Variants in ANO1 observed in about 807,000 individuals in gnomAD.
ANO1 encodes anoctamin-1.
A neutral mutation model predicts 124.0 loss-of-function variants in ANO1; 59 were observed. The observed-to-expected ratio is 0.48, with a 90% CI of 0.39 to 0.59. The LOEUF (loss-of-function observed/expected upper bound fraction) is 0.59, where lower values mean the gene tolerates loss of function less well. ANO1 is among the 20% of genes least tolerant of loss of function. ANO1 has a pLI of 0.00. For missense variants in ANO1, 1,059 were observed against 1,328.0 expected (o/e 0.80, Z 3.15); for synonymous variants, 529 against 532.0 (o/e 0.99, Z 0.08).
chr11:70,005,448 C>T (rs1006128472), intron 1 of ANO1, among the ~76,000 whole-genome samples: 3 of 152,190 alleles, frequency 2.0e-5, no homozygotes, highest in Non-Finnish European at 2.9e-5. Context: ...TGTTGGCACA[C>T]TGTCCTGAAT....
intron 22 of ANO1, among the ~76,000 whole-genome samples, chr11:70,172,941 G>A (rs6592468): frequency 0.76 from 115,887 of 151,984 alleles, 44,271 homozygotes; most frequent in East Asian, 0.84. Context: ...TGTCATTCTC[G>A]TTGGAAACAC....
In ANO1 at chr11:70,018,878, A is replaced by C. The variant is rs115371157; in HGVS notation, c.58+32712A>C. 8.3e-3 allele frequency among the ~76,000 whole-genome samples: 1,265 copies of C among 152,292 alleles called. 17 individuals carry two copies. Among genetic ancestry groups the C allele is most frequent in the African/African-American group, 0.029 (1,212 of 41,556 alleles). On this transcript the variant is annotated intron_variant, in intron 1 of 27. Coordinates refer to the ANO1 transcript ENST00000531349. ...AGGACCTGCTAAGTGCTGGGCATGG[A>C]GCTCAGTACCGGGGACATGGCCAAA...
chr11:69,984,388 GATCA>G (rs1554996614), upstream of ANO1, among the ~76,000 whole-genome samples: 3 of 3,812 alleles, frequency 7.9e-4, no homozygotes, highest in Non-Finnish European at 3.9e-3. Context: ...ACTGAAACGA[GATCA>G]TTTCTGAGTC....
intron 2 of ANO1, among the ~76,000 whole-genome samples, chr11:70,092,172 G>A (rs888310857): frequency 6.6e-6 from 1 of 152,142 alleles, no homozygotes; most frequent in African/African-American, 2.4e-5. Flanking sequence ...CCTCTCTGTT[G>A]TGTGTCTCTG....
intron 22 of ANO1, among the ~76,000 whole-genome samples, chr11:70,179,497 G>A (rs1365965324): frequency 6.6e-6 from 1 of 152,180 alleles, no homozygotes; most frequent in Non-Finnish European, 1.5e-5. Flanking sequence ...TTGGAGTAAA[G>A]GGAACAAGGG....
the ANO1 span, among the ~76,000 whole-genome samples, chr11:69,978,819 A>G: frequency 6.6e-6 from 1 of 152,212 alleles, no homozygotes; most frequent in Non-Finnish European, 1.5e-5. Flanking sequence ...AGTGTGTTCA[A>G]TTACAGAAAG....
At chr11:70,161,877 C>A in intron 18 of ANO1, 144 bp downstream of exon 18, 1 of 756,870 alleles carries the variant, frequency 1.3e-6, no homozygotes, top group Non-Finnish European at 2.2e-6. Flanking sequence ...AGGGAGAAGG[C>A]CTGGGCCCTG....
intron 1 of ANO1, among the ~76,000 whole-genome samples, chr11:70,020,014 C>T (rs370409971): frequency 6.6e-6 from 1 of 152,182 alleles, no homozygotes; most frequent in South Asian, 2.1e-4. Flanking sequence ...CTAGGCTTCC[C>T]CCGGACCCTC....
At chr11:70,048,271 T>C (rs370641736) in intron 1 of ANO1, among the ~76,000 whole-genome samples, 2 of 152,350 alleles carry the variant, frequency 1.3e-5, no homozygotes, top group East Asian at 3.9e-4. Flanking sequence ...TCCTATTTAA[T>C]AATCTATCTA....
the ANO1 span, among the ~76,000 whole-genome samples, chr11:69,968,827 T>C: frequency 6.6e-6 from 1 of 152,216 alleles, no homozygotes; most frequent in African/African-American, 2.4e-5. Flanking sequence ...GGTACTCTTA[T>C]GCCAACTACA....
chr11:70,108,282 A>G, intron 5 of ANO1, 71 bp from the exon 6 acceptor site: 3 of 1,490,040 alleles, frequency 2.0e-6, no homozygotes, highest in Non-Finnish European at 2.8e-6. Flanking sequence ...CTCTCCAGCC[A>G]CAGCAGACTG....
At chr11:70,098,854 G>T (rs1019889904) in intron 2 of ANO1, among the ~76,000 whole-genome samples, 1 of 152,098 alleles carries the variant, frequency 6.6e-6, no homozygotes, top group Non-Finnish European at 1.5e-5. Flanking sequence ...ATCCACCATG[G>T]GGACTCACTT....
At chr11:69,976,740 T>C in the ANO1 span, among the ~76,000 whole-genome samples, 86,195 of 151,882 alleles carry the variant, frequency 0.57, 25,385 homozygotes, top group South Asian at 0.79. Context: ...TCAGCCACTC[T>C]ATCTGTAGCA....
rs906472550 is a variant in ANO1, at chr11:70,168,318, C to A, written c.2197+931C>A. On this transcript the variant is annotated intron_variant, in intron 21 of 25. Transcript: ENST00000355303. ...CAAATACCTGCATGGCTCACTCTCT[C>A]CCTGCCTCCCAGGCTCTACTCAGAA... Among the ~76,000 whole-genome samples, 3 of 152,184 alleles carry A rather than the reference C, an allele frequency of 2.0e-5. No homozygotes were observed. The East Asian group carries it at 5.8e-4, about 29-fold the overall frequency.
At chr11:70,095,416 AAG>A (rs1340080348) in intron 2 of ANO1, among the ~76,000 whole-genome samples, 1 of 37,776 alleles carries the variant, frequency 2.6e-5, no homozygotes, top group East Asian at 6.0e-4. Flanking sequence ...GAAAGAAAGA[AAG>A]AAAGAAAGAA....
At chr11:70,175,249 C>T (rs1322011717) in intron 22 of ANO1, among the ~76,000 whole-genome samples, 1 of 152,268 alleles carries the variant, frequency 6.6e-6, no homozygotes, top group Non-Finnish European at 1.5e-5. Flanking sequence ...CTGGTTTTTG[C>T]TCAGTTCTTA....
intron 1 of ANO1, among the ~76,000 whole-genome samples, chr11:70,083,871 A>T (rs1465673094): frequency 6.6e-6 from 1 of 152,192 alleles, no homozygotes; most frequent in Admixed American, 6.5e-5. Context: ...TTGTGGGTAG[A>T]TGGCTCAGAG....
chr11:70,066,271 GC>G (rs1251368210), intron 1 of ANO1, among the ~76,000 whole-genome samples: 4 of 152,200 alleles, frequency 2.6e-5, no homozygotes, highest in Non-Finnish European at 5.9e-5. Flanking sequence ...ATGCCGAGCT[GC>G]CCTCGTGGGC....
chr11:70,175,274 A>T (rs775715025), intron 22 of ANO1, among the ~76,000 whole-genome samples: 1 of 152,108 alleles, frequency 6.6e-6, no homozygotes, highest in African/African-American at 2.4e-5. Context: ...TCAGCTACTC[A>T]CTTCCTGGTT....
Sources: gnomAD v4.1 joint callset for allele counts (sites outside exome capture counted in the v4.1 genomes callset) on GRCh38, gnomAD v4.1.1 for gene constraint, MANE v1.5 for transcripts, NCBI Gene and HGNC (gene_info 2026-07-23, HGNC 2026-07-21) for gene names.